The following ADAMTS16 variants were observed in gnomAD, a reference collection of about 807,000 sequenced individuals.
The protein encoded by ADAMTS16 is A disintegrin and metalloproteinase with thrombospondin motifs 16.
ADAMTS16 carries 94 observed loss-of-function variants against 145.8 expected under a neutral mutation model. The observed-to-expected ratio is 0.64, with a 90% CI of 0.55 to 0.77. The LOEUF is 0.77. Ranked by LOEUF, ADAMTS16 falls within the 30% of genes least tolerant of loss-of-function variation. The probability of loss-of-function intolerance (pLI) is 0.00; values close to 1 mark genes in which losing one functional copy is unlikely to be tolerated. For synonymous variants in ADAMTS16, 659 were observed against 604.3 expected (o/e 1.09, Z -1.33); for missense variants, 1,585 against 1,591.5 (o/e 1.00, Z 0.07).
chr5:5,198,095 T>G (rs1044830026), intron 8 of ADAMTS16, among the ~76,000 whole-genome samples: 3 of 152,210 alleles, frequency 2.0e-5, no homozygotes, highest in Admixed American at 1.3e-4. Flanking sequence ...TTGTGGACTT[T>G]GAATTCCTTA....
Position 5,265,166 on chromosome 5 carries a change from G to A in ADAMTS16, c.2789+2383G>A, listed in dbSNP as rs1174465430. Among the ~76,000 whole-genome samples, 3 of 152,338 alleles carry A rather than the reference G, an allele frequency of 2.0e-5. No homozygotes were observed. In the East Asian group the frequency reaches 5.8e-4, roughly 29 times the overall value. On this transcript the variant is annotated intron_variant, in intron 18 of 22. Coordinates refer to ENST00000274181, the MANE Select transcript of ADAMTS16 (RefSeq NM_139056.4). ...AGCAAAAGTGATCTTCCTGTCCGAA[G>A]GAAATGGAGGCCCCTTGCTGAGTTG...
intron 4 of ADAMTS16, among the ~76,000 whole-genome samples, chr5:5,184,525 A>G (rs1735442710): frequency 6.6e-6 from 1 of 151,966 alleles, no homozygotes; most frequent in African/African-American, 2.4e-5. Flanking sequence ...ATTCTTTCCT[A>G]TTAGAGTCCC....
At chr5:5,185,918 A>G in intron 4 of ADAMTS16, 134 bp from the exon 5 acceptor site, 1 of 725,354 alleles carries the variant, frequency 1.4e-6, no homozygotes, top group Non-Finnish European at 2.3e-6. Context: ...TTTCTGCATC[A>G]CAAGGTTTTA....
chr5:5,245,269 A>G (rs907724326), intron 17 of ADAMTS16, among the ~76,000 whole-genome samples: 1 of 152,202 alleles, frequency 6.6e-6, no homozygotes, highest in Non-Finnish European at 1.5e-5. Context: ...TGACAATAGC[A>G]TGTTTTAACT....
At chr5:5,279,183 G>A (rs1030088446) in intron 18 of ADAMTS16, among the ~76,000 whole-genome samples, 1 of 152,198 alleles carries the variant, frequency 6.6e-6, no homozygotes, top group South Asian at 2.1e-4. Flanking sequence ...TCTCTGCCAT[G>A]CTGAACACCC....
intron 16 of ADAMTS16, among the ~76,000 whole-genome samples, chr5:5,241,370 T>C (rs1737286813): frequency 6.6e-6 from 1 of 152,234 alleles, no homozygotes; most frequent in Non-Finnish European, 1.5e-5. Context: ...TTCCATGCCC[T>C]AAACTATGAC....
intron 5 of ADAMTS16, among the ~76,000 whole-genome samples, chr5:5,187,519 G>T (rs911513410): frequency 2.0e-5 from 3 of 152,212 alleles, no homozygotes; most frequent in African/African-American, 7.2e-5. Flanking sequence ...TTTCTTAGGT[G>T]TTTGACCGTA....
intron 17 of ADAMTS16, among the ~76,000 whole-genome samples, chr5:5,251,319 C>T (rs1483373163): frequency 1.3e-5 from 2 of 152,148 alleles, no homozygotes; most frequent in African/African-American, 2.4e-5. Flanking sequence ...CAGAGAGTTT[C>T]TCCTTAGGTA....
chr5:5,149,842 G>A (rs1734401325), intron 3 of ADAMTS16, among the ~76,000 whole-genome samples: 1 of 152,186 alleles, frequency 6.6e-6, no homozygotes, highest in Admixed American at 6.5e-5. Flanking sequence ...TTAGCATAAT[G>A]TGTTCAAGAT....
chr5:5,303,710 C>T lies in ADAMTS16; in HGVS notation c.3130C>T (p.Leu1044Phe). 6.2e-7 allele frequency: 1 copy of T among 1,613,540 alleles called. No homozygotes were observed. Among genetic ancestry groups the T allele is most frequent in the Non-Finnish European group, 8.5e-7 (1 of 1,180,034 alleles). ...GCCCAGGATGCATGAAGCCTGTCTGCTTCAGCGCTGCCACAAGCCCAAGAA... is the reference window on the plus strand; with the variant it reads ...GCCCAGGATGCATGAAGCCTGTCTGTTTCAGCGCTGCCACAAGCCCAAGAA... ...PKPRMHEACL[L>F]QRCHKPKKLQ... is the part of the protein sequence containing the mutation. The change falls in exon 20 of 23, where the codon CTT (leucine) becomes TTT (phenylalanine). Residue 1044 changes from leucine (L) to phenylalanine (F), a missense_variant. Leu to Phe is a conservative substitution (Grantham distance 22). Transcript: ENST00000274181.
intron 9 of ADAMTS16, among the ~76,000 whole-genome samples, chr5:5,207,505 T>C (rs1430683401): frequency 6.6e-6 from 1 of 152,204 alleles, no homozygotes; most frequent in African/African-American, 2.4e-5. Flanking sequence ...ATTTATTCTT[T>C]TCCAGTCTGT....
rs190588040 is a variant in ADAMTS16 at position 5,156,454 on chromosome 5, T to C, written c.501+9999T>C. On this transcript the variant is annotated intron_variant, in intron 3 of 22. Coordinates refer to ENST00000274181, the MANE Select transcript of ADAMTS16 (RefSeq NM_139056.4). ...ACCAATTTGGATGGGGGAAAAGAGA[T>C]CCCAAAAACTGAAGTAGGAATATTC... Among the ~76,000 whole-genome samples the C allele has an allele frequency of 7.6e-4, 115 of 152,192 alleles. 1 individual carries two copies. In the Middle Eastern group the frequency reaches 0.017, roughly 23 times the overall value.
Position 5,186,225 on chromosome 5 carries a change from A to G in ADAMTS16, c.937A>G (p.Thr313Ala), listed in dbSNP as rs1735493306. 2.5e-6 allele frequency: 4 copies of G among 1,613,242 alleles called. No individual in the cohort carries two copies. The highest frequency in any genetic ancestry group is 3.4e-6 in the Non-Finnish European group (4 of 1,179,906). Residue 313 changes from threonine (T) to alanine (A), a missense_variant, in exon 5 of 23, where the codon ACC (threonine) becomes GCC (alanine). This residue lies in a region of ADAMTS16 where 453 missense variants were observed against 412.1 expected (regional missense o/e 1.10). Coordinates refer to ENST00000274181, the MANE Select transcript of ADAMTS16 (RefSeq NM_139056.4). ...MQNHGHENIT[T>A]YVLTILNMVS... Reference sequence around the variant, plus strand: ...AAACCATGGCCATGAAAATATCACCACCTACGTGCTCACGATACTCAACAT... The same window carrying G: ...AAACCATGGCCATGAAAATATCACCGCCTACGTGCTCACGATACTCAACAT...
intron 5 of ADAMTS16, 83 bp downstream of exon 5, chr5:5,186,334 G>T (rs968194816): frequency 9.2e-6 from 11 of 1,200,772 alleles, no homozygotes; most frequent in African/African-American, 1.5e-5. Context: ...GTGTGTGTGT[G>T]TTTCCATTTT....
intron 9 of ADAMTS16, among the ~76,000 whole-genome samples, chr5:5,203,475 T>C (rs1736011497): frequency 1.3e-5 from 2 of 152,196 alleles, no homozygotes; most frequent in Non-Finnish European, 2.9e-5. Flanking sequence ...TTCTCCTTAT[T>C]AGTAGTCTAG....
chr5:5,215,913 T>TCA (rs1736426893), intron 10 of ADAMTS16, among the ~76,000 whole-genome samples: 2 of 129,082 alleles, frequency 1.5e-5, no homozygotes, highest in South Asian at 5.0e-4. Flanking sequence ...TATATATATA[T>TCA]ATCACAGTTT....
At chr5:5,201,761 A>C (rs932086303) in intron 9 of ADAMTS16, among the ~76,000 whole-genome samples, 3 of 152,142 alleles carry the variant, frequency 2.0e-5, no homozygotes, top group African/African-American at 7.2e-5. Flanking sequence ...TTTGTAATGT[A>C]CATGTCTTTG....
intron 18 of ADAMTS16, among the ~76,000 whole-genome samples, chr5:5,271,056 G>A (rs1738453218): frequency 6.6e-6 from 1 of 152,186 alleles, no homozygotes; most frequent in Non-Finnish European, 1.5e-5. Context: ...ATTGAGGGGT[G>A]GAACCTGTAA....
At chr5:5,208,914 T>C (rs906034052) in intron 9 of ADAMTS16, among the ~76,000 whole-genome samples, 179 bp from the exon 10 acceptor site, 5 of 152,216 alleles carry the variant, frequency 3.3e-5, no homozygotes, top group African/African-American at 1.2e-4. Context: ...AAATGGAGTC[T>C]CTGTATTTAA....
Sources: gnomAD v4.1 joint callset for allele counts (sites outside exome capture counted in the v4.1 genomes callset) on GRCh38, gnomAD v4.1.1 for gene constraint, gnomAD v4.1.1 regional missense constraint, MANE v1.5 for transcripts, NCBI Gene and HGNC (gene_info 2026-07-23, HGNC 2026-07-21) for gene names.